Variants in ADK observed in about 807,000 individuals in gnomAD.
ADK encodes the protein adenosine kinase.
A neutral mutation model predicts 44.7 loss-of-function variants in ADK; 24 were observed. That is an observed-to-expected ratio of 0.54 (90% CI 0.39 to 0.76). The LOEUF (loss-of-function observed/expected upper bound fraction) is 0.76, where lower values mean the gene tolerates loss of function less well. ADK is among the 30% of genes least tolerant of loss of function. The probability of loss-of-function intolerance (pLI) is 0.00; values close to 1 mark genes in which losing one functional copy is unlikely to be tolerated. For missense variants in ADK, 321 were observed against 425.1 expected (o/e 0.76, Z 2.15); for synonymous variants, 128 against 142.6 (o/e 0.90, Z 0.73).
intron 9 of ADK, among the ~76,000 whole-genome samples, chr10:74,622,015 G>C (rs1209250062): frequency 6.6e-6 from 1 of 152,080 alleles, no homozygotes; most frequent in Admixed American, 6.6e-5. Flanking sequence ...TCACCACTCT[G>C]CCTTATGGAT....
intron 1 of ADK, among the ~76,000 whole-genome samples, chr10:74,182,225 T>C (rs1460244392): frequency 2.0e-5 from 3 of 150,546 alleles, no homozygotes; most frequent in Non-Finnish European, 4.4e-5. Context: ...AAAATACGAA[T>C]TGTAAATTCA....
chr10:74,201,882 C>A (rs973186774), intron 2 of ADK, among the ~76,000 whole-genome samples: 6 of 151,844 alleles, frequency 4.0e-5, no homozygotes, highest in Admixed American at 3.3e-4. Context: ...CCTCACACAC[C>A]CTGATTTCTG....
intron 9 of ADK, among the ~76,000 whole-genome samples, chr10:74,664,408 A>G (rs1245230833): frequency 6.6e-6 from 1 of 152,220 alleles, no homozygotes; most frequent in Non-Finnish European, 1.5e-5. Flanking sequence ...CAGATTGGGA[A>G]GTAGAAGGAG....
intron 7 of ADK, among the ~76,000 whole-genome samples, chr10:74,577,439 A>G (rs1851232073): frequency 6.6e-6 from 1 of 151,918 alleles, no homozygotes; most frequent in African/African-American, 2.4e-5. Context: ...TGTTGATTTT[A>G]TATGTTAGCT....
chr10:74,682,575 C>CTTTTTTTTTT, intron 10 of ADK, among the ~76,000 whole-genome samples: 1 of 133,026 alleles, frequency 7.5e-6, no homozygotes, highest in Non-Finnish European at 1.6e-5. Context: ...CTTTTCTTTT[C>CTTTTTTTTTT]TTTTTTTTTT....
intron 7 of ADK, among the ~76,000 whole-genome samples, chr10:74,577,536 C>CTA (rs2133882361): frequency 6.6e-6 from 1 of 151,688 alleles, no homozygotes; most frequent in East Asian, 1.9e-4. Context: ...ATGGGTTGTG[C>CTA]TATCCATAGG....
chr10:74,387,686 CT>C (rs1320633729), intron 4 of ADK, among the ~76,000 whole-genome samples: 2 of 152,100 alleles, frequency 1.3e-5, no homozygotes, highest in East Asian at 3.9e-4. Flanking sequence ...TAATATGCTG[CT>C]TTTTTACTAT....
intron 4 of ADK, among the ~76,000 whole-genome samples, chr10:74,363,462 G>T (rs1387724576): frequency 6.6e-6 from 1 of 151,634 alleles, no homozygotes; most frequent in Non-Finnish European, 1.5e-5. Context: ...TGCTTGTCAT[G>T]TTGGCTCAGA....
chr10:74,531,864 T>C (rs1849302001), intron 7 of ADK, among the ~76,000 whole-genome samples: 1 of 152,122 alleles, frequency 6.6e-6, no homozygotes, highest in African/African-American at 2.4e-5. Flanking sequence ...TTCAGAAAGA[T>C]GTAGTACCAA....
chr10:74,231,188 A>G (rs891955207), intron 3 of ADK, among the ~76,000 whole-genome samples: 1 of 152,360 alleles, frequency 6.6e-6, no homozygotes, highest in East Asian at 1.9e-4. Context: ...TAAGGAGAGG[A>G]TGCAACACAA....
chr10:74,367,656 T>C (rs184793541), intron 4 of ADK, among the ~76,000 whole-genome samples: 44 of 152,362 alleles, frequency 2.9e-4, no homozygotes, highest in Admixed American at 5.2e-4. Flanking sequence ...AGTTACCTTA[T>C]GTGTTCATTC....
At chr10:74,370,367 A>G (rs1430240730) in intron 4 of ADK, among the ~76,000 whole-genome samples, 1 of 152,198 alleles carries the variant, frequency 6.6e-6, no homozygotes, top group Admixed American at 6.5e-5. Context: ...TTTAATCCTA[A>G]GATGAATCCA....
intron 3 of ADK, among the ~76,000 whole-genome samples, chr10:74,259,611 C>T (rs1315985343): frequency 6.6e-6 from 1 of 151,826 alleles, no homozygotes; most frequent in Non-Finnish European, 1.5e-5. Flanking sequence ...CACCCGCCAC[C>T]ATGCCTGGCT....
intron 9 of ADK, among the ~76,000 whole-genome samples, chr10:74,636,824 G>T (rs1014108795): frequency 6.6e-6 from 1 of 152,082 alleles, no homozygotes; most frequent in Admixed American, 6.5e-5. Context: ...AAACAAAGAA[G>T]GCAAAGAACA....
At chr10:74,514,231 G>T (rs1213039978) in intron 6 of ADK, among the ~76,000 whole-genome samples, 1 of 152,102 alleles carries the variant, frequency 6.6e-6, no homozygotes, top group Non-Finnish European at 1.5e-5. Flanking sequence ...GCTGCTTTTA[G>T]AATTCTTTCT....
chr10:74,345,298 T>C (rs1424292609), intron 4 of ADK, among the ~76,000 whole-genome samples: 2 of 127,658 alleles, frequency 1.6e-5, no homozygotes. Flanking sequence ...GTTGTTTGCA[T>C]CACGTATCTT....
intron 9 of ADK, among the ~76,000 whole-genome samples, chr10:74,605,135 G>A (rs919456442): frequency 6.6e-6 from 1 of 152,208 alleles, no homozygotes; most frequent in Non-Finnish European, 1.5e-5. Flanking sequence ...AGCTTAAGGA[G>A]ATTTTGGGCT....
intron 7 of ADK, 135 bp from the exon 8 acceptor site, chr10:74,589,147 A>T: frequency 1.3e-6 from 1 of 753,562 alleles, no homozygotes; most frequent in East Asian, 2.7e-5. Flanking sequence ...TATTGCTGTA[A>T]GAATAAAAAT....
chr10:74,263,683 T>C (rs1846121279), intron 3 of ADK, among the ~76,000 whole-genome samples: 1 of 152,256 alleles, frequency 6.6e-6, no homozygotes, highest in African/African-American at 2.4e-5. Flanking sequence ...TTAGCTGTAA[T>C]GCTTTTCTTA....
Sources: gnomAD v4.1 joint callset for allele counts (sites outside exome capture counted in the v4.1 genomes callset) on GRCh38, gnomAD v4.1.1 for gene constraint, MANE v1.5 for transcripts, NCBI Gene and HGNC (gene_info 2026-07-23, HGNC 2026-07-21) for gene names.